Variants in LGR5 observed in about 807,000 individuals in gnomAD.
LGR5 encodes the protein leucine rich repeat containing G protein-coupled receptor 5.
A neutral mutation model predicts 76.7 loss-of-function variants in LGR5; 54 were observed. The ratio of observed to expected loss-of-function variants is 0.70; its 90% CI spans 0.57 to 0.88. The LOEUF (loss-of-function observed/expected upper bound fraction) is 0.88, where lower values mean the gene tolerates loss of function less well. Among genes scored for constraint, LGR5 ranks in the 40% least tolerant of loss-of-function variants. The probability of loss-of-function intolerance (pLI) is 0.00; values close to 1 mark genes in which losing one functional copy is unlikely to be tolerated. For missense variants in LGR5, 1,078 were observed against 1,073.3 expected (o/e 1.00, Z -0.06); for synonymous variants, 406 against 421.9 (o/e 0.96, Z 0.46).
intron 13 of LGR5, among the ~76,000 whole-genome samples, chr12:71,573,623 G>A (rs570534140): frequency 1.3e-5 from 2 of 152,182 alleles, no homozygotes; most frequent in East Asian, 1.9e-4. Context: ...TTTGATGAAC[G>A]GTGATGATAG....
At chr12:71,491,094 T>G (rs1000507426) in intron 1 of LGR5, among the ~76,000 whole-genome samples, 1 of 152,204 alleles carries the variant, frequency 6.6e-6, no homozygotes. Flanking sequence ...CCTGCCACCA[T>G]GTAAGACATG....
At chr12:71,522,123 C>G (rs962401168) in intron 2 of LGR5, among the ~76,000 whole-genome samples, 1 of 152,150 alleles carries the variant, frequency 6.6e-6, no homozygotes, top group African/African-American at 2.4e-5. Flanking sequence ...ACCTCATAGT[C>G]TGGTTCAGTT....
chr12:71,440,032 G>A lies in LGR5; in HGVS notation c.-49G>A. 6.4e-7 allele frequency: 1 copy of A among 1,571,740 alleles called. No homozygotes were observed. The highest frequency in any genetic ancestry group is 8.6e-7 in the Non-Finnish European group (1 of 1,156,604). On this transcript the variant is annotated 5_prime_UTR_variant, in exon 1 of 18. The change creates a new upstream start codon in the 5' untranslated region. Transcript: ENST00000266674. The surrounding 1 kb of genome is among the most constrained non-coding windows in gnomAD (Gnocchi z 5.3). ...GCGCGCCACGGCCCGTAGCAGTCCGGTGCTGCTCTCCGCCCGCGTCCGGCT... is the reference window on the plus strand; with the variant it reads ...GCGCGCCACGGCCCGTAGCAGTCCGATGCTGCTCTCCGCCCGCGTCCGGCT...
At chr12:71,582,969 G>A (rs1313015683) in intron 17 of LGR5, among the ~76,000 whole-genome samples, 1 of 138,504 alleles carries the variant, frequency 7.2e-6, no homozygotes, top group East Asian at 2.4e-4. Context: ...AGGAAGAAAG[G>A]AAGGAAGGAA....
At chr12:71,475,973 T>G (rs1462838042) in intron 1 of LGR5, among the ~76,000 whole-genome samples, 1 of 152,302 alleles carries the variant, frequency 6.6e-6, no homozygotes, top group Non-Finnish European at 1.5e-5. Context: ...TCTAACAGGA[T>G]AGAAAAATCA....
intron 1 of LGR5, among the ~76,000 whole-genome samples, chr12:71,477,097 C>T (rs1158889331): frequency 1.3e-5 from 2 of 151,992 alleles, no homozygotes; most frequent in African/African-American, 4.8e-5. Flanking sequence ...CCAATTCCTG[C>T]CATAAAACCC....
At chr12:71,462,374 A>G (rs972365373) in intron 1 of LGR5, among the ~76,000 whole-genome samples, 1 of 152,024 alleles carries the variant, frequency 6.6e-6, no homozygotes, top group Admixed American at 6.6e-5. Flanking sequence ...GGTTAATTTA[A>G]AGCTAAAGCT....
chr12:71,522,053 A>G (rs892633684), intron 2 of LGR5, among the ~76,000 whole-genome samples: 3 of 152,150 alleles, frequency 2.0e-5, no homozygotes, highest in Non-Finnish European at 4.4e-5. Context: ...AAAGGAGAGC[A>G]TTTTAGGTGG....
At chr12:71,536,181 A>G (rs1212676151) in intron 4 of LGR5, among the ~76,000 whole-genome samples, 5 of 152,250 alleles carry the variant, frequency 3.3e-5, no homozygotes, top group Non-Finnish European at 7.3e-5. Flanking sequence ...AAAAGGGCAA[A>G]TAAATATTGA....
Position 71,553,195 on chromosome 12 carries a change from G to A in LGR5, c.551G>A (p.Ser184Asn), listed in dbSNP as rs755523849. ...GAAATCCCCGTCCAGGCTTTTAGAA[G>A]TTTATCGGCATTGCAAGCCATGACC... Reference protein sequence around the residue: ...LTEIPVQAFRSLSALQAMTLA... With the variant: ...LTEIPVQAFRNLSALQAMTLA... The change falls in exon 5 of 18, where the codon AGT (serine) becomes AAT (asparagine). Residue 184 changes from serine to asparagine, a missense_variant. Physicochemically the swap from Ser to Asn is conservative, Grantham distance 46 (BLOSUM62 1). Coordinates refer to ENST00000266674, the MANE Select transcript of LGR5 (RefSeq NM_003667.4). The A allele has an allele frequency of 6.2e-7, 1 of 1,614,082 alleles. No individual in the cohort carries two copies. Among genetic ancestry groups the A allele is most frequent in the Non-Finnish European group, 8.5e-7 (1 of 1,180,034 alleles).
At chr12:71,474,674 C>T (rs1321485441) in intron 1 of LGR5, among the ~76,000 whole-genome samples, 1 of 152,102 alleles carries the variant, frequency 6.6e-6, no homozygotes, top group Non-Finnish European at 1.5e-5. Flanking sequence ...TATGTCCTTG[C>T]CTGTATTCAA....
chr12:71,450,535 C>T (rs1872204571), intron 1 of LGR5, among the ~76,000 whole-genome samples: 1 of 152,122 alleles, frequency 6.6e-6, no homozygotes, highest in South Asian at 2.1e-4. Context: ...GTCTCGAACT[C>T]CTGGCCTCAA....
In LGR5 at chr12:71,577,986, C is replaced by G. The variant is rs138215571; in HGVS notation, c.1270C>G (p.Leu424Val). The change falls in exon 14 of 18, where the codon CTA becomes GTA. Residue 424 changes from leucine to valine, a missense_variant. Coordinates refer to ENST00000266674, the MANE Select transcript of LGR5 (RefSeq NM_003667.4). ...CAATGCATTTTCCACTTTGCCATCC[C>G]TAATAAAGCTGTGAGTATTCCACAA... ...HPNAFSTLPSLIKLDLSSNLL... is the reference protein window; with the variant it reads ...HPNAFSTLPSVIKLDLSSNLL... The G allele has an allele frequency of 6.3e-3, 10,223 of 1,610,642 alleles. 85 individuals are homozygous for G. The highest frequency in any genetic ancestry group is 0.022 in the South Asian group (1,967 of 90,966).
In LGR5 at chr12:71,493,851, G is replaced by A. The variant is rs906067816; in HGVS notation, c.213-10763G>A. ...TGGTGCCATCACAGCTCACTGAAGC[G>A]GTGACCTTCTAGGCTCAGGTGATCC... On this transcript the variant is annotated intron_variant, in intron 1 of 17. Transcript: ENST00000266674. Among the ~76,000 whole-genome samples the A allele has an allele frequency of 8.1e-5, 12 of 148,192 alleles. No homozygotes were observed. The South Asian group carries it at 1.9e-3, about 24-fold the overall frequency.
chr12:71,578,825 G>C lies in LGR5; in HGVS notation c.1302G>C (p.Leu434=), dbSNP rs1262466244. The C allele has an allele frequency of 4.3e-6, 7 of 1,609,748 alleles. No individual in the cohort carries two copies. Among genetic ancestry groups the C allele is most frequent in the Non-Finnish European group, 5.1e-6 (6 of 1,177,772 alleles). The change falls in exon 15 of 18, where the codon CTG becomes CTC. Residue 434 remains leucine, a synonymous_variant. Transcript: ENST00000266674. ...GCAGGGACCTATCGTCCAACCTCCTGTCGTCTTTTCCTATAACTGGGTTAC... is the reference window on the plus strand; with the variant it reads ...GCAGGGACCTATCGTCCAACCTCCTCTCGTCTTTTCCTATAACTGGGTTAC... The part of the protein sequence containing the change: ...LIKLDLSSNL[L]SSFPITGLHG...
chr12:71,562,085 T>G (rs1162289778), intron 8 of LGR5, among the ~76,000 whole-genome samples: 1 of 152,192 alleles, frequency 6.6e-6, no homozygotes, highest in African/African-American at 2.4e-5. Flanking sequence ...GTGCTAGGTA[T>G]CTTTAAAATA....
At position 71,584,982 on chromosome 12, in the gene LGR5, A is replaced by G; in HGVS notation, c.*248A>G. 1 of 406,908 alleles carries G rather than the reference A, an allele frequency of 2.5e-6. No individual in the cohort carries two copies. Among genetic ancestry groups the G allele is most frequent in the Non-Finnish European group, 4.3e-6 (1 of 229,952 alleles). 25.2% of individuals were successfully genotyped at this position (406,908 alleles called of 1,614,324 possible). A position where few individuals can be genotyped will look rare whatever the true frequency, so the allele number is the denominator to read the frequency against. ...GATCACACTATTTAAGTGAGCCCAG[A>G]TCAAAAAAGCAGATTGAAATTTTCT... On this transcript the variant is annotated 3_prime_UTR_variant, in exon 18 of 18. Coordinates refer to ENST00000266674, the MANE Select transcript of LGR5 (RefSeq NM_003667.4).
At chr12:71,577,127 A>T (rs990402956) in intron 13 of LGR5, among the ~76,000 whole-genome samples, 2 of 152,236 alleles carry the variant, frequency 1.3e-5, no homozygotes, top group Non-Finnish European at 2.9e-5. Flanking sequence ...AGAAAAGTTG[A>T]CTTTGTTTAC....
intron 1 of LGR5, among the ~76,000 whole-genome samples, chr12:71,487,493 C>T (rs757962780): frequency 5.9e-5 from 9 of 152,258 alleles, no homozygotes; most frequent in South Asian, 2.1e-4. Context: ...TAGCTCACTG[C>T]GGCCTCAAAC....
Sources: allele counts gnomAD v4.1 joint callset (sites outside exome capture counted in the v4.1 genomes callset), GRCh38; gene constraint gnomAD v4.1.1; non-coding constraint Gnocchi (gnomAD v3.1); transcripts MANE v1.5; gene names NCBI Gene and HGNC (gene_info 2026-07-23, HGNC 2026-07-21).